The following TTC29 variants were observed in gnomAD, a reference collection of about 807,000 sequenced individuals.
The protein encoded by TTC29 is tetratricopeptide repeat protein 29.
In TTC29, 49 loss-of-function variants were observed where a neutral mutation model predicts 58.1. That is an observed-to-expected ratio of 0.84 (90% CI 0.67 to 1.07). The LOEUF (loss-of-function observed/expected upper bound fraction) is 1.07. Ranked by LOEUF, TTC29 falls within the 50% of genes least tolerant of loss-of-function variation. The pLI is 0.00. For synonymous variants in TTC29, 209 were observed against 196.8 expected (o/e 1.06, Z -0.52); for missense variants, 582 against 555.6 (o/e 1.05, Z -0.48).
At chr4:146,734,756 C>T (rs377591002) in intron 11 of TTC29, among the ~76,000 whole-genome samples, 10 of 152,118 alleles carry the variant, frequency 6.6e-5, no homozygotes, top group Admixed American at 3.3e-4. Context: ...AGGAAAAACA[C>T]GGTTTGAGAG....
intron 11 of TTC29, among the ~76,000 whole-genome samples, chr4:146,740,592 T>A (rs1239112947): frequency 1.3e-5 from 2 of 152,130 alleles, no homozygotes; most frequent in Admixed American, 1.3e-4. Context: ...GGTATTTGGA[T>A]AAGTAAATGT....
chr4:146,859,568 A>G (rs1419057040), intron 8 of TTC29, among the ~76,000 whole-genome samples: 2 of 152,140 alleles, frequency 1.3e-5, no homozygotes, highest in Admixed American at 1.3e-4. Flanking sequence ...ACTGGGTTCT[A>G]TTACGCACAT....
chr4:146,805,325 T>C (rs1750523947), intron 10 of TTC29, among the ~76,000 whole-genome samples: 1 of 152,012 alleles, frequency 6.6e-6, no homozygotes, highest in South Asian at 2.1e-4. Flanking sequence ...AGAACACCTC[T>C]TCTCTTCCAA....
intron 4 of TTC29, among the ~76,000 whole-genome samples, chr4:146,910,932 T>G (rs1322134579): frequency 6.6e-6 from 1 of 152,170 alleles, no homozygotes; most frequent in Admixed American, 6.5e-5. Context: ...GTGAGATGCT[T>G]GGAGGGCCAT....
intron 8 of TTC29, among the ~76,000 whole-genome samples, chr4:146,844,529 CCTT>C (rs1181736619): frequency 6.6e-6 from 1 of 152,026 alleles, no homozygotes; most frequent in South Asian, 2.1e-4. Context: ...TAGCTCTTAA[CCTT>C]CTTTTTTTTG....
At chr4:146,941,713 T>C (rs935062922) in intron 2 of TTC29, among the ~76,000 whole-genome samples, 16 of 152,132 alleles carry the variant, frequency 1.1e-4, no homozygotes, top group African/African-American at 3.1e-4. Context: ...TTTATTCTTA[T>C]TGAGGTAAGA....
chr4:146,761,972 AC>A (rs1250667126), intron 11 of TTC29, among the ~76,000 whole-genome samples: 2 of 151,948 alleles, frequency 1.3e-5, no homozygotes, highest in African/African-American at 4.8e-5. Context: ...AAAAACAAAA[AC>A]AAAAACAAAA....
chr4:146,940,329 A>G (rs1736261883), intron 2 of TTC29, among the ~76,000 whole-genome samples: 1 of 152,218 alleles, frequency 6.6e-6, no homozygotes, highest in African/African-American at 2.4e-5. Context: ...GCTGTTTTCT[A>G]AAAGCCTTAT....
chr4:146,889,198 A>G (rs1165322223), intron 6 of TTC29, among the ~76,000 whole-genome samples: 1 of 152,112 alleles, frequency 6.6e-6, no homozygotes, highest in East Asian at 1.9e-4. Flanking sequence ...GTTAATTAAC[A>G]TTCCCCCACC....
At chr4:146,751,461 C>A (rs892574698) in intron 11 of TTC29, among the ~76,000 whole-genome samples, 1 of 152,062 alleles carries the variant, frequency 6.6e-6, no homozygotes, top group Admixed American at 6.5e-5. Flanking sequence ...TACGTTAGGC[C>A]ACAAAACAAG....
At chr4:146,873,252 T>C (rs1246586445) in intron 7 of TTC29, among the ~76,000 whole-genome samples, 1 of 152,192 alleles carries the variant, frequency 6.6e-6, no homozygotes, top group Non-Finnish European at 1.5e-5. Flanking sequence ...AGTAAAGGGA[T>C]GCTTTGTCCC....
chr4:146,804,201 T>C (rs1366241766), intron 10 of TTC29, among the ~76,000 whole-genome samples: 1 of 152,324 alleles, frequency 6.6e-6, no homozygotes, highest in East Asian at 1.9e-4. Context: ...CTGTGAGGAA[T>C]GGTGCTCTGT....
intron 7 of TTC29, among the ~76,000 whole-genome samples, chr4:146,868,242 G>C (rs185827898): frequency 6.6e-6 from 1 of 152,184 alleles, no homozygotes; most frequent in African/African-American, 2.4e-5. Context: ...GGAGTGGGGA[G>C]GGGTAGCATT....
intron 11 of TTC29, among the ~76,000 whole-genome samples, chr4:146,748,884 A>AC (rs907909634): frequency 9.2e-5 from 14 of 151,902 alleles, no homozygotes; most frequent in East Asian, 1.9e-4. Flanking sequence ...CTAGTAACTG[A>AC]CCCCCCCGCA....
chr4:146,937,709 A>G (rs1475511312), intron 3 of TTC29, 32 bp from the exon 4 acceptor site: 1 of 1,289,318 alleles, frequency 7.8e-7, no homozygotes, highest in African/African-American at 1.5e-5. Context: ...AATAAAGCAC[A>G]GCCTTATCAA....
rs373103623 is a variant in TTC29, at chr4:146,903,552, T to C, written c.578A>G (p.Glu193Gly). 97 of 1,608,702 alleles carry C rather than the reference T, an allele frequency of 6.0e-5. No homozygotes were observed. The Middle Eastern group carries it at 1.0e-3, about 17-fold the overall frequency. ...GGCAAATGCCCACTCACCATCTTCC[T>C]CGTAGAGAAGACCCATATGCATGTG... ...EAHMHMGLLY[E>G]EDGQLLEAAE... Residue 193 changes from glutamate (E) to glycine (G), a missense_variant, in exon 6 of 13, where the codon GAG becomes GGG. Physicochemically the swap from Glu to Gly is moderately conservative, Grantham distance 98. Coordinates refer to ENST00000325106, the MANE Select transcript of TTC29 (RefSeq NM_031956.4).
intron 11 of TTC29, among the ~76,000 whole-genome samples, chr4:146,788,339 G>A (rs891099490): frequency 1.3e-5 from 2 of 152,176 alleles, no homozygotes; most frequent in Non-Finnish European, 2.9e-5. Flanking sequence ...TTTGCTATAG[G>A]GATATCACTA....
chr4:146,757,019 A>C (rs1746503885), intron 11 of TTC29, among the ~76,000 whole-genome samples: 1 of 151,860 alleles, frequency 6.6e-6, no homozygotes, highest in Admixed American at 6.6e-5. Flanking sequence ...AACCTCCTGA[A>C]TTCTTTTTCA....
At chr4:146,774,546 A>C (rs1295424597) in intron 11 of TTC29, among the ~76,000 whole-genome samples, 1 of 151,888 alleles carries the variant, frequency 6.6e-6, no homozygotes, top group African/African-American at 2.4e-5. Context: ...TTTTCTTTGT[A>C]TTGATTTCTA....
Sources: allele counts gnomAD v4.1 joint callset (sites outside exome capture counted in the v4.1 genomes callset), GRCh38; gene constraint gnomAD v4.1.1; transcripts MANE v1.5; gene names NCBI Gene and HGNC (gene_info 2026-07-23, HGNC 2026-07-21).